POMGNT1: variants seen among roughly 807,000 people sequenced by gnomAD.
The protein encoded by POMGNT1 is protein O-linked mannose N-acetylglucosaminyltransferase 1 (beta 1,2-), also known as protein O-linked-mannose beta-1,2-N-acetylglucosaminyltransferase 1.
POMGNT1 carries 67 observed loss-of-function variants against 95.6 expected under a neutral mutation model. The observed-to-expected ratio is 0.70, with a 90% CI of 0.58 to 0.86. POMGNT1 has a LOEUF of 0.86. Among genes scored for constraint, POMGNT1 ranks in the 40% least tolerant of loss-of-function variants. POMGNT1 has a pLI of 0.00. For missense variants in POMGNT1, 719 were observed against 855.2 expected (o/e 0.84, Z 1.99); for synonymous variants, 298 against 317.9 (o/e 0.94, Z 0.66).
chr1:46,189,642 C>T, intron 20 of POMGNT1, 75 bp from the exon 21 acceptor site: 1 of 1,561,072 alleles, frequency 6.4e-7, no homozygotes. Context: ...CCCTTTGGCC[C>T]AGCCCCCACC....
chr1:46,188,868 G>A lies in POMGNT1; in HGVS notation c.*402C>T. 1 of 1,612,898 alleles carries A rather than the reference G, an allele frequency of 6.2e-7. No homozygotes were observed. The highest frequency in any genetic ancestry group is 1.1e-5 in the South Asian group (1 of 91,086). ...ACAGCAGTTTCCTGAGTAAGAGCCA[G>A]CCCCACCCTCAGGGCAGCATTCCAG... On this transcript the variant is annotated 3_prime_UTR_variant, in exon 22 of 22. Coordinates refer to ENST00000371984, the MANE Select transcript of POMGNT1 (RefSeq NM_017739.4).
chr1:46,211,359 A>G (rs898999047), intron 1 of POMGNT1, among the ~76,000 whole-genome samples: 4 of 151,676 alleles, frequency 2.6e-5, no homozygotes, highest in Non-Finnish European at 5.9e-5. Context: ...CCTGAAGCCT[A>G]TTTCTGAGTG....
At chr1:46,216,830 A>T (rs1659086321) in intron 1 of POMGNT1, among the ~76,000 whole-genome samples, 1 of 152,184 alleles carries the variant, frequency 6.6e-6, no homozygotes, top group Non-Finnish European at 1.5e-5. Flanking sequence ...GTCTATCATT[A>T]CCATCTTTAT....
Position 46,193,191 on chromosome 1 carries a change from T to C in POMGNT1, c.1135A>G (p.Thr379Ala). The change falls in exon 13 of 22, where the codon ACT (threonine) becomes GCT (alanine). Residue 379 changes from threonine to alanine, a missense_variant. Transcript: ENST00000371984. ...GTACTCACCGGAAACAGGTTGAAAG[T>C]GGCAGTGAGGCTGGCCTTGTAGTGC... is the stretch of plus-strand genomic sequence containing the variant. ...SQHYKASLTATFNLFPEAKFA... is the reference protein window; with the variant it reads ...SQHYKASLTAAFNLFPEAKFA... The C allele has an allele frequency of 6.2e-7, 1 of 1,614,182 alleles. No homozygotes were observed. The highest frequency in any genetic ancestry group is 8.5e-7 in the Non-Finnish European group (1 of 1,180,034).
rs1307549526 is a variant in POMGNT1 at position 46,192,571 on chromosome 1, G to T, written c.1231C>A (p.His411Asn). The T allele has an allele frequency of 6.2e-7, 1 of 1,614,116 alleles. No homozygotes were observed. ...DFFSFLSQSIHLLEEDDSLYC... is the reference protein window; with the variant it reads ...DFFSFLSQSINLLEEDDSLYC... ...AGGCTGTCATCCTCCTCCAGTAGGT[G>T]GATGGATTGGCTCAGGAAACTGAGA... is the stretch of plus-strand genomic sequence containing the variant. Residue 411 changes from histidine (H) to asparagine (N), a missense_variant, in exon 15 of 22, where the codon CAC becomes AAC. Physicochemically the swap from His to Asn is moderately conservative, Grantham distance 68. This residue lies in a region of POMGNT1 where 118 missense variants were observed against 153.6 expected (regional missense o/e 0.77). Coordinates refer to ENST00000371984, the MANE Select transcript of POMGNT1 (RefSeq NM_017739.4).
intron 1 of POMGNT1, among the ~76,000 whole-genome samples, chr1:46,212,825 T>C (rs184031760): frequency 6.6e-6 from 1 of 152,192 alleles, no homozygotes; most frequent in Non-Finnish European, 1.5e-5. Flanking sequence ...AGTGGCATGA[T>C]CCCAGCTCAC....
exon 1 of POMGNT1, chr1:46,220,172 G>A: frequency 6.2e-7 from 1 of 1,613,964 alleles, no homozygotes. Context: ...TGGGCTTCGA[G>A]GCCCACTGGT....
In POMGNT1 at chr1:46,194,115, G is replaced by A. The variant is rs573112311; in HGVS notation, c.879+159C>T. Among the ~76,000 whole-genome samples the A allele has an allele frequency of 1.4e-3, 220 of 152,254 alleles. 1 individual carries two copies. Among genetic ancestry groups the A allele is most frequent in the African/African-American group, 4.8e-3 (200 of 41,566 alleles). On this transcript the variant is annotated intron_variant, in intron 9 of 21. Coordinates refer to ENST00000371984, the MANE Select transcript of POMGNT1 (RefSeq NM_017739.4). ...GCGCTGAGCTTTACTCACATGGCCT[G>A]CCCCTTCACCCCAGCCCTGTCTTTC...
chr1:46,201,892 C>T (rs1344363402), upstream of POMGNT1, among the ~76,000 whole-genome samples: 2 of 150,324 alleles, frequency 1.3e-5, no homozygotes, highest in African/African-American at 4.9e-5. Context: ...GTCACAGCTG[C>T]TTGGGAGGCA....
chr1:46,209,282 C>CTT (rs1182231253), intron 1 of POMGNT1, among the ~76,000 whole-genome samples: 1 of 152,102 alleles, frequency 6.6e-6, no homozygotes, highest in African/African-American at 2.4e-5. Context: ...CCTTGGCCTC[C>CTT]CAAAGTGCTG....
rs768307488 is a variant in POMGNT1 at position 46,194,549 on chromosome 1, C to G, written c.751+4G>C. Reference sequence around the variant, plus strand: ...CTGCCCCATCCATGCTCCACTAACTCCACCTTCTGCTGAGCTCAATGGCAC... The same window carrying G: ...CTGCCCCATCCATGCTCCACTAACTGCACCTTCTGCTGAGCTCAATGGCAC... On this transcript the variant is annotated splice_donor_region_variant and intron_variant, in intron 8 of 21. Transcript: ENST00000371984. 23 of 1,614,076 alleles carry G rather than the reference C, an allele frequency of 1.4e-5. No homozygotes were observed. Among genetic ancestry groups the G allele is most frequent in the Non-Finnish European group, 1.8e-5 (21 of 1,180,040 alleles).
rs1210488940 is a variant in POMGNT1 at position 46,190,466 on chromosome 1, G to A, written c.1649+7C>T. On this transcript the variant is annotated splice_region_variant and intron_variant, in intron 19 of 21. Coordinates refer to ENST00000371984, the MANE Select transcript of POMGNT1 (RefSeq NM_017739.4). ...CCCTGCTACACCCCAATTGTCCTAG[G>A]CCATACCTGAGCAGCCTGTGAACTT... 1 of 1,588,476 alleles carries A rather than the reference G, an allele frequency of 6.3e-7. No homozygotes were observed.
chr1:46,189,168 C>T lies in POMGNT1; in HGVS notation c.*102G>A. ...AGTCTCATGTTAAAAACAAGGTAGC[C>T]CCAGCCCCTACCAGCATCTACAAAA... On this transcript the variant is annotated 3_prime_UTR_variant, in exon 22 of 22. Coordinates refer to ENST00000371984, the MANE Select transcript of POMGNT1 (RefSeq NM_017739.4). 6.6e-7 allele frequency: 1 copy of T among 1,524,666 alleles called. No homozygotes were observed. Among genetic ancestry groups the T allele is most frequent in the Admixed American group, 2.3e-5 (1 of 43,974 alleles). 94.4% of individuals were successfully genotyped at this position (1,524,666 alleles called of 1,614,324 possible).
chr1:46,205,748 C>T (rs1658691024), intron 1 of POMGNT1, among the ~76,000 whole-genome samples: 1 of 152,228 alleles, frequency 6.6e-6, no homozygotes, highest in Non-Finnish European at 1.5e-5. Flanking sequence ...GATCCCCATC[C>T]TATTTTTTCT....
chr1:46,216,043 CT>C (rs141982741), intron 1 of POMGNT1, among the ~76,000 whole-genome samples: 16,893 of 90,848 alleles, frequency 0.19, 279 homozygotes, highest in African/African-American at 0.23. Flanking sequence ...TTTATTTTAT[CT>C]TTTTTTTTTT....
Position 46,189,009 on chromosome 1 carries a change from G to GA in POMGNT1, c.*260dup. The GA allele has an allele frequency of 1.3e-6, 2 of 1,595,796 alleles. No homozygotes were observed. Among genetic ancestry groups the GA allele is most frequent in the African/African-American group, 1.3e-5 (1 of 74,644 alleles). On this transcript the variant is annotated 3_prime_UTR_variant, in exon 22 of 22. Coordinates refer to ENST00000371984, the MANE Select transcript of POMGNT1 (RefSeq NM_017739.4). Reference sequence around the variant, plus strand: ...GAAAGTGAGGGTATTCAAAGGGCAGGATGAGCTGCTAGGGATCGTAATGAT... The same window carrying GA: ...GAAAGTGAGGGTATTCAAAGGGCAGGAATGAGCTGCTAGGGATCGTAATGAT...
At chr1:46,190,419 C>T in intron 19 of POMGNT1, 54 bp downstream of exon 19, 1 of 1,525,450 alleles carries the variant, frequency 6.6e-7, no homozygotes, top group Non-Finnish European at 9.1e-7. Context: ...GGGCCAAGAT[C>T]CCCAGTATTT....
rs1165080387 is a variant in POMGNT1 at position 46,197,044 on chromosome 1, T to C, written c.161A>G (p.Asn54Ser). The change falls in exon 3 of 22, where the codon AAT becomes AGT. Residue 54 changes from asparagine (N) to serine (S), a missense_variant. Physicochemically the swap from Asn to Ser is conservative, Grantham distance 46. Around this residue, in one of 5 missense-constraint regions of POMGNT1, gnomAD observed 466 missense variants for 517.4 expected, o/e 0.90. Coordinates refer to ENST00000371984, the MANE Select transcript of POMGNT1 (RefSeq NM_017739.4). The part of the protein sequence containing the change: ...VLFLLVTVIV[N>S]IKLILDTRRA... The stretch of plus-strand genomic sequence containing the variant: ...CCGAGTGTCCAGGATCAACTTGATA[T>C]TGACAATGACAGTCACCAGCAGGAA... 3 of 1,614,066 alleles carry C rather than the reference T, an allele frequency of 1.9e-6. No homozygotes were observed. The highest frequency in any genetic ancestry group is 1.3e-5 in the African/African-American group (1 of 74,928).
Position 46,189,289 on chromosome 1 carries a change from C to T in POMGNT1, c.1964G>A (p.Gly655Glu), listed in dbSNP as rs1311561637. 4 of 1,613,696 alleles carry T rather than the reference C, an allele frequency of 2.5e-6. No individual in the cohort carries two copies. The South Asian group carries it at 4.4e-5, about 18-fold the overall frequency. Residue 655 changes from glycine to glutamate, a missense_variant, in exon 22 of 22, where the codon GGA (glycine) becomes GAA (glutamate). By Grantham distance (98) the Gly-to-Glu change is moderately conservative. This residue lies in a region of POMGNT1 where 130 missense variants were observed against 149.2 expected (regional missense o/e 0.87). Transcript: ENST00000371984. ...EPPPKEEGAP[G>E]APEQT ...GAGGTCTCATGTCTGTTCTGGGGCT[C>T]CTGGGGCTCCCTCCTCCTTTGGGGG... is the stretch of plus-strand genomic sequence containing the variant.
Sources: gnomAD v4.1 joint callset for allele counts (sites outside exome capture counted in the v4.1 genomes callset) on GRCh38, gnomAD v4.1.1 for gene constraint, gnomAD v4.1.1 regional missense constraint, MANE v1.5 for transcripts, NCBI Gene and HGNC (gene_info 2026-07-23, HGNC 2026-07-21) for gene names.